Variants in LINGO1 observed in about 807,000 individuals in gnomAD.
The protein encoded by LINGO1 is leucine rich repeat and Ig domain containing 1.
In LINGO1, 11 loss-of-function variants were observed where a neutral mutation model predicts 37.3. The observed-to-expected ratio is 0.29, with a 90% CI of 0.19 to 0.49. LINGO1 has a LOEUF of 0.49. LINGO1 is among the 20% of genes least tolerant of loss of function. The pLI, the probability that LINGO1 is intolerant of heterozygous loss-of-function variation, is 0.99. For missense variants in LINGO1, 585 were observed against 878.2 expected (o/e 0.67, Z 4.22); for synonymous variants, 387 against 403.0 (o/e 0.96, Z 0.48).
At chr15:77,644,845 G>A (rs935368912) in intron 3 of LINGO1, among the ~76,000 whole-genome samples, 4 of 152,208 alleles carry the variant, frequency 2.6e-5, no homozygotes, top group Non-Finnish European at 5.9e-5. Context: ...GAGCGGTTTA[G>A]GGTTGGATAA....
At chr15:77,776,655 T>C (rs1026803088) in intron 1 of LINGO1, among the ~76,000 whole-genome samples, 1 of 151,826 alleles carries the variant, frequency 6.6e-6, no homozygotes, top group Non-Finnish European at 1.5e-5. Flanking sequence ...AGGAGGCTGG[T>C]GTTATGAAGA....
chr15:77,750,801 T>A (rs899849022), intron 1 of LINGO1, among the ~76,000 whole-genome samples: 2 of 152,192 alleles, frequency 1.3e-5, no homozygotes, highest in African/African-American at 4.8e-5. Flanking sequence ...ATGACATTTA[T>A]CCCACCACTA....
chr15:77,733,522 C>T (rs554109783), intron 2 of LINGO1, among the ~76,000 whole-genome samples: 2 of 152,312 alleles, frequency 1.3e-5, no homozygotes, highest in South Asian at 2.1e-4. Flanking sequence ...GGTAACCCAC[C>T]ACTGGGAGAC....
At chr15:77,745,429 GAAA>G (rs1233452547) in intron 1 of LINGO1, among the ~76,000 whole-genome samples, 1 of 83,082 alleles carries the variant, frequency 1.2e-5, no homozygotes, top group East Asian at 3.6e-4. Flanking sequence ...CGTCTCAAAA[GAAA>G]AAAAAAAAAA....
intron 1 of LINGO1, among the ~76,000 whole-genome samples, chr15:77,804,922 G>A (rs1384200915): frequency 1.3e-5 from 2 of 152,232 alleles, no homozygotes; most frequent in Non-Finnish European, 2.9e-5. Flanking sequence ...CCAAGGGCTG[G>A]ATGGGAGTGC....
At chr15:77,780,405 TAAG>T (rs2076704117) in intron 1 of LINGO1, among the ~76,000 whole-genome samples, 1 of 151,200 alleles carries the variant, frequency 6.6e-6, no homozygotes, top group Non-Finnish European at 1.5e-5. Context: ...TACACCAAGG[TAAG>T]GGGTTGGAAA....
chr15:77,614,972 C>T lies in LINGO1; in HGVS notation c.935G>A (p.Arg312Gln), dbSNP rs1285103347. The T allele has an allele frequency of 3.1e-6, 5 of 1,613,796 alleles. No individual in the cohort carries two copies. Among genetic ancestry groups the T allele is most frequent in the Middle Eastern group, 1.6e-4 (1 of 6,084 alleles). ...GCCCACCAGCTGGATCTCCTGCAGCCGGAGCAGCTCATGCAACATGGAGCC... is the reference window on the plus strand; with the variant it reads ...GCCCACCAGCTGGATCTCCTGCAGCTGGAGCAGCTCATGCAACATGGAGCC... Reference protein sequence around the residue: ...IEGSMLHELLRLQEIQLVGGQ... With the variant: ...IEGSMLHELLQLQEIQLVGGQ... The change falls in exon 2 of 2, where the codon CGG becomes CAG. Residue 312 changes from arginine to glutamine, a missense_variant. Transcript: ENST00000355300.
chr15:77,654,927 C>T (rs571076251), intron 3 of LINGO1, among the ~76,000 whole-genome samples: 3 of 152,310 alleles, frequency 2.0e-5, no homozygotes, highest in East Asian at 3.9e-4. Flanking sequence ...TGATGCTCCA[C>T]GCCCCCGCCC....
At chr15:77,703,144 T>C (rs1038588001) in intron 2 of LINGO1, among the ~76,000 whole-genome samples, 8 of 152,206 alleles carry the variant, frequency 5.3e-5, no homozygotes, top group Non-Finnish European at 8.8e-5. Context: ...GGCAAGGGGC[T>C]ACTCCTTCTT....
intron 3 of LINGO1, among the ~76,000 whole-genome samples, chr15:77,661,154 G>A (rs78156331): frequency 6.6e-6 from 1 of 152,216 alleles, no homozygotes; most frequent in Non-Finnish European, 1.5e-5. Context: ...GCCCTCAGGA[G>A]CCAGCCAGGT....
At chr15:77,706,365 A>G (rs1054450860) in intron 2 of LINGO1, among the ~76,000 whole-genome samples, 1 of 152,220 alleles carries the variant, frequency 6.6e-6, no homozygotes, top group African/African-American at 2.4e-5. Flanking sequence ...TTCATCCAGC[A>G]GCCAGGGCAG....
intron 3 of LINGO1, among the ~76,000 whole-genome samples, chr15:77,656,699 G>T (rs1168496907): frequency 6.6e-6 from 1 of 152,132 alleles, no homozygotes; most frequent in Non-Finnish European, 1.5e-5. Context: ...AGATATGTGG[G>T]GTGATATTCA....
Position 77,674,427 on chromosome 15 carries a change from C to T in LINGO1, c.-13+2662G>A, listed in dbSNP as rs141484727. Among the ~76,000 whole-genome samples the T allele has an allele frequency of 3.8e-3, 579 of 152,322 alleles. 4 individuals are homozygous for T. The highest frequency in any genetic ancestry group is 0.01 in the Middle Eastern group (3 of 294). ...ACTACGCAGAACCTTCCATGGCTTT[C>T]CCCACTTCATTTTGGGTAACAGTCA... On this transcript the variant is annotated intron_variant, in intron 3 of 3. Transcript: ENST00000559893.
chr15:77,811,625 G>A (rs955212413), intron 1 of LINGO1, among the ~76,000 whole-genome samples: 19 of 152,224 alleles, frequency 1.2e-4, no homozygotes, highest in African/African-American at 4.3e-4. Flanking sequence ...ACTGCTATGT[G>A]ACCTTGGACA....
At chr15:77,812,021 C>T (rs952054550) in intron 1 of LINGO1, among the ~76,000 whole-genome samples, 1 of 151,972 alleles carries the variant, frequency 6.6e-6, no homozygotes, top group Non-Finnish European at 1.5e-5. Context: ...CCTGGTATGC[C>T]TGAAAGGCAA....
intron 1 of LINGO1, among the ~76,000 whole-genome samples, chr15:77,622,985 C>T (rs558916054): frequency 1.2e-4 from 18 of 152,330 alleles, no homozygotes; most frequent in African/African-American, 4.1e-4. Context: ...GCCTCCTCTC[C>T]TGTGGCCCCC....
intron 1 of LINGO1, among the ~76,000 whole-genome samples, chr15:77,765,253 A>G (rs769658667): frequency 6.6e-6 from 1 of 152,098 alleles, no homozygotes; most frequent in Non-Finnish European, 1.5e-5. Context: ...CGTCTCTACT[A>G]AAAATACAAA....
At chr15:77,741,033 CCAG>C (rs1407239074) in intron 1 of LINGO1, among the ~76,000 whole-genome samples, 1 of 152,216 alleles carries the variant, frequency 6.6e-6, no homozygotes, top group Non-Finnish European at 1.5e-5. Context: ...AGCTCACACA[CCAG>C]GAGTCAGGCA....
At chr15:77,673,301 GA>G (rs71447161) in intron 3 of LINGO1, among the ~76,000 whole-genome samples, 1,469 of 145,588 alleles carry the variant, frequency 0.01, 12 homozygotes, top group African/African-American at 0.028. Context: ...AAACTTAAAT[GA>G]AAAAAAAAAA....
Sources: allele counts gnomAD v4.1 joint callset (sites outside exome capture counted in the v4.1 genomes callset), GRCh38; gene constraint gnomAD v4.1.1; transcripts MANE v1.5; gene names NCBI Gene and HGNC (gene_info 2026-07-23, HGNC 2026-07-21).